RBMS3: variants seen among roughly 807,000 people sequenced by gnomAD.
RBMS3 encodes RNA-binding motif, single-stranded-interacting protein 3.
RBMS3 carries 27 observed loss-of-function variants against 66.8 expected under a neutral mutation model. That is an observed-to-expected ratio of 0.40 (90% CI 0.30 to 0.56). The LOEUF is 0.56. RBMS3 is among the 20% of genes least tolerant of loss of function. RBMS3 has a pLI of 0.40. For synonymous variants in RBMS3, 188 were observed against 183.0 expected (o/e 1.03, Z -0.22); for missense variants, 513 against 549.5 (o/e 0.93, Z 0.66).
At chr3:29,957,935 G>A (rs1329464635) in intron 12 of RBMS3, among the ~76,000 whole-genome samples, 3 of 152,030 alleles carry the variant, frequency 2.0e-5, no homozygotes, top group Non-Finnish European at 4.4e-5. Flanking sequence ...CACACATCAG[G>A]TGCCTCACCA....
At chr3:29,351,881 A>G (rs940271400) in intron 1 of RBMS3, among the ~76,000 whole-genome samples, 1 of 152,044 alleles carries the variant, frequency 6.6e-6, no homozygotes, top group African/African-American at 2.4e-5. Context: ...TGGAATACAC[A>G]TGTACGTGCT....
At chr3:29,676,942 G>T (rs985840477) in intron 4 of RBMS3, among the ~76,000 whole-genome samples, 1 of 152,062 alleles carries the variant, frequency 6.6e-6, no homozygotes, top group Non-Finnish European at 1.5e-5. Context: ...GGTTTAATTG[G>T]CACATAGTTC....
chr3:29,665,882 A>G (rs544132694), intron 4 of RBMS3, among the ~76,000 whole-genome samples: 9 of 152,272 alleles, frequency 5.9e-5, no homozygotes, highest in African/African-American at 1.9e-4. Flanking sequence ...CATTATCTGA[A>G]AGTACCAGTT....
At chr3:29,866,385 A>T (rs952902204) in intron 6 of RBMS3, among the ~76,000 whole-genome samples, 6 of 152,216 alleles carry the variant, frequency 3.9e-5, no homozygotes, top group African/African-American at 1.4e-4. Context: ...CTTACCTAAC[A>T]GAGGCACACA....
intron 4 of RBMS3, among the ~76,000 whole-genome samples, chr3:29,667,660 A>G (rs1212945127): frequency 6.6e-6 from 1 of 152,210 alleles, no homozygotes; most frequent in Admixed American, 6.5e-5. Flanking sequence ...ATTCTGAAGG[A>G]AAGTCTTCTG....
chr3:29,845,204 A>T (rs1354079521), intron 6 of RBMS3, among the ~76,000 whole-genome samples: 2 of 152,234 alleles, frequency 1.3e-5, no homozygotes, highest in Non-Finnish European at 2.9e-5. Context: ...AAAATACCTC[A>T]GTAAATGTTG....
intron 12 of RBMS3, among the ~76,000 whole-genome samples, chr3:29,946,869 T>C (rs1695349882): frequency 6.6e-6 from 1 of 151,556 alleles, no homozygotes; most frequent in Non-Finnish European, 1.5e-5. Context: ...TCTGTGAGAA[T>C]GTTTGATTTT....
At chr3:29,998,370 C>G (rs950954095) in intron 14 of RBMS3, among the ~76,000 whole-genome samples, 1 of 152,102 alleles carries the variant, frequency 6.6e-6, no homozygotes, top group African/African-American at 2.4e-5. Flanking sequence ...AATGCCATCC[C>G]CATCAAGCTA....
chr3:29,415,464 C>T (rs909203453), intron 1 of RBMS3, among the ~76,000 whole-genome samples: 5 of 152,290 alleles, frequency 3.3e-5, no homozygotes, highest in African/African-American at 1.2e-4. Context: ...CCTTGAATGT[C>T]AGTCTCAGGA....
At chr3:29,681,708 T>C (rs533226293) in intron 4 of RBMS3, among the ~76,000 whole-genome samples, 2 of 152,366 alleles carry the variant, frequency 1.3e-5, no homozygotes, top group South Asian at 4.1e-4. Flanking sequence ...GGTTGCATAG[T>C]ATTCCATGGT....
intron 3 of RBMS3, among the ~76,000 whole-genome samples, chr3:29,523,419 C>T (rs1027843713): frequency 6.6e-6 from 1 of 152,036 alleles, no homozygotes; most frequent in South Asian, 2.1e-4. Flanking sequence ...AAAAATCCTA[C>T]CTCCCAGTCT....
chr3:29,579,133 G>A (rs888244875), intron 3 of RBMS3, among the ~76,000 whole-genome samples: 23 of 152,168 alleles, frequency 1.5e-4, no homozygotes, highest in African/African-American at 5.5e-4. Context: ...TACCCCATAT[G>A]TAGAATTCAC....
chr3:29,781,995 A>G (rs1268671290), intron 6 of RBMS3, among the ~76,000 whole-genome samples: 1 of 149,812 alleles, frequency 6.7e-6, no homozygotes, highest in African/African-American at 2.5e-5. Context: ...TCACCCAAGG[A>G]AAGACTGAAC....
At chr3:29,957,233 G>C (rs1483070379) in intron 12 of RBMS3, among the ~76,000 whole-genome samples, 1 of 152,028 alleles carries the variant, frequency 6.6e-6, no homozygotes, top group East Asian at 1.9e-4. Flanking sequence ...CCCCTCTAGA[G>C]TAAAGGCTAT....
At chr3:29,993,481 T>G (rs1424644903) in intron 14 of RBMS3, among the ~76,000 whole-genome samples, 2 of 152,174 alleles carry the variant, frequency 1.3e-5, no homozygotes, top group Non-Finnish European at 2.9e-5. Flanking sequence ...AAAACAATAT[T>G]TCTGGGTATG....
At chr3:29,425,575 T>C (rs1471348740) in intron 1 of RBMS3, among the ~76,000 whole-genome samples, 1 of 151,558 alleles carries the variant, frequency 6.6e-6, no homozygotes, top group Non-Finnish European at 1.5e-5. Context: ...GTGGTGGAGG[T>C]TGCAGTGAGC....
At chr3:29,988,561 T>TCTAATGCCTTG (rs1445880484) in intron 13 of RBMS3, among the ~76,000 whole-genome samples, 1 of 152,202 alleles carries the variant, frequency 6.6e-6, no homozygotes, top group Non-Finnish European at 1.5e-5. Context: ...GAACTAATTC[T>TCTAATGCCTTG]CTAATGCCTT....
At chr3:29,762,701 A>G (rs930703279) in intron 5 of RBMS3, among the ~76,000 whole-genome samples, 2 of 152,048 alleles carry the variant, frequency 1.3e-5, no homozygotes, top group African/African-American at 4.8e-5. Flanking sequence ...CCACATAGAC[A>G]CCTTTCAAAG....
intron 1 of RBMS3, among the ~76,000 whole-genome samples, chr3:29,414,014 AAC>A (rs2040378828): frequency 6.6e-6 from 1 of 152,192 alleles, no homozygotes; most frequent in Non-Finnish European, 1.5e-5. Context: ...AATGTGCTTA[AAC>A]ACACTTAGTA....
Sources: allele counts gnomAD v4.1 joint callset (sites outside exome capture counted in the v4.1 genomes callset), GRCh38; gene constraint gnomAD v4.1.1; transcripts MANE v1.5; gene names NCBI Gene and HGNC (gene_info 2026-07-23, HGNC 2026-07-21).